POU6F2: variants seen among roughly 807,000 people sequenced by gnomAD.
POU6F2 encodes POU domain, class 6, transcription factor 2.
A neutral mutation model predicts 71.3 loss-of-function variants in POU6F2; 31 were observed. The ratio of observed to expected loss-of-function variants is 0.43; its 90% CI spans 0.33 to 0.59. POU6F2 has a LOEUF of 0.59. Ranked by LOEUF, POU6F2 falls within the 20% of genes least tolerant of loss-of-function variation. The probability of loss-of-function intolerance (pLI) is 0.04; values close to 1 mark genes in which losing one functional copy is unlikely to be tolerated. For missense variants in POU6F2, 783 were observed against 856.8 expected (o/e 0.91, Z 1.07); for synonymous variants, 347 against 355.7 (o/e 0.98, Z 0.27).
rs115893087 is a variant in POU6F2, at chr7:39,240,230, G to T, written c.598+32610G>T. 6.0e-3 allele frequency among the ~76,000 whole-genome samples: 905 copies of T among 152,054 alleles called. 3 individuals are homozygous for T. Among genetic ancestry groups the T allele is most frequent in the African/African-American group, 0.019 (772 of 41,472 alleles). On this transcript the variant is annotated intron_variant, in intron 4 of 9. Coordinates refer to ENST00000518318, the MANE Select transcript of POU6F2 (RefSeq NM_001370959.1). ...TGTGCAAGGAAATTACCCCAAATCG[G>T]GACAAGGAAAGGAAAAATTAAGGGA... is the stretch of plus-strand genomic sequence containing the variant.
chr7:38,992,043 T>C lies in POU6F2; in HGVS notation c.105+13985T>C, dbSNP rs187371979. On this transcript the variant is annotated intron_variant, in intron 1 of 9. Coordinates refer to ENST00000518318, the MANE Select transcript of POU6F2 (RefSeq NM_001370959.1). Reference sequence around the variant, plus strand: ...TGTTTTCTCTTCACACTCAGCATCTTACTCCTTCCCCTTATCTCCTACTTC... The same window carrying C: ...TGTTTTCTCTTCACACTCAGCATCTCACTCCTTCCCCTTATCTCCTACTTC... 2.0e-5 allele frequency among the ~76,000 whole-genome samples: 3 copies of C among 152,274 alleles called. No homozygotes were observed. The East Asian group carries it at 5.8e-4, about 29-fold the overall frequency.
At chr7:39,412,707 A>T (rs1219353457) in intron 6 of POU6F2, among the ~76,000 whole-genome samples, 3 of 150,598 alleles carry the variant, frequency 2.0e-5, no homozygotes, top group African/African-American at 7.3e-5. Flanking sequence ...TTGCAAAACA[A>T]TACAAAAGGC....
intron 2 of POU6F2, among the ~76,000 whole-genome samples, chr7:39,129,834 C>T (rs890477556): frequency 3.3e-5 from 5 of 151,968 alleles, no homozygotes; most frequent in Admixed American, 6.6e-5. Flanking sequence ...GAGGCCGAGG[C>T]GGGCAGACCA....
At chr7:39,111,133 C>T (rs35909585) in intron 2 of POU6F2, among the ~76,000 whole-genome samples, 4,535 of 152,244 alleles carry the variant, frequency 0.03, 94 homozygotes, top group Middle Eastern at 0.079. Flanking sequence ...ACAATTACCA[C>T]TACACAATTG....
At chr7:39,124,527 A>AAC (rs2128728261) in intron 2 of POU6F2, among the ~76,000 whole-genome samples, 1 of 152,364 alleles carries the variant, frequency 6.6e-6, no homozygotes, top group East Asian at 1.9e-4. Flanking sequence ...CTTAGGTGAC[A>AAC]AGAGTAGTTT....
At chr7:39,050,371 A>T (rs1014057130) in intron 1 of POU6F2, among the ~76,000 whole-genome samples, 2 of 152,092 alleles carry the variant, frequency 1.3e-5, no homozygotes, top group Non-Finnish European at 2.9e-5. Context: ...TAGTTCAGAC[A>T]GTTTTTAGTT....
chr7:39,114,971 T>C (rs1218109540), intron 2 of POU6F2, among the ~76,000 whole-genome samples: 2 of 152,182 alleles, frequency 1.3e-5, no homozygotes, highest in African/African-American at 4.8e-5. Flanking sequence ...TAAATCATAG[T>C]GGTTTAGGGA....
intron 4 of POU6F2, among the ~76,000 whole-genome samples, chr7:39,333,461 G>A (rs1232633478): frequency 3.9e-5 from 6 of 152,018 alleles, no homozygotes; most frequent in Admixed American, 1.3e-4. Context: ...GTCTCAGGCC[G>A]GGCGTGGTGG....
At chr7:39,098,969 C>G (rs1791515008) in intron 2 of POU6F2, among the ~76,000 whole-genome samples, 1 of 152,190 alleles carries the variant, frequency 6.6e-6, no homozygotes, top group Non-Finnish European at 1.5e-5. Context: ...CAAGGGTCCT[C>G]CTGATCAAAG....
At chr7:39,296,758 C>T (rs570035188) in intron 4 of POU6F2, among the ~76,000 whole-genome samples, 18 of 152,210 alleles carry the variant, frequency 1.2e-4, no homozygotes, top group Non-Finnish European at 2.1e-4. Context: ...ATTAGCTTAA[C>T]GTGTTTTCCC....
chr7:39,330,920 C>G (rs563794323), intron 4 of POU6F2, among the ~76,000 whole-genome samples: 19 of 152,340 alleles, frequency 1.2e-4, no homozygotes, highest in African/African-American at 4.1e-4. Flanking sequence ...ATTGACCAAG[C>G]TTTGCCTCTC....
intron 2 of POU6F2, among the ~76,000 whole-genome samples, chr7:39,127,202 T>G (rs545577072): frequency 6.6e-6 from 1 of 152,290 alleles, no homozygotes; most frequent in Admixed American, 6.5e-5. Flanking sequence ...ATATCACACT[T>G]GAATTTGAGA....
chr7:39,209,835 G>A (rs964903671), intron 4 of POU6F2, among the ~76,000 whole-genome samples: 6 of 152,104 alleles, frequency 3.9e-5, no homozygotes, highest in Non-Finnish European at 5.9e-5. Context: ...AGTGGGACTC[G>A]GGATGGTGAG....
intron 5 of POU6F2, among the ~76,000 whole-genome samples, chr7:39,373,120 G>A (rs571119429): frequency 1.1e-4 from 16 of 152,186 alleles, no homozygotes; most frequent in Admixed American, 3.9e-4. Flanking sequence ...AAGTGTCAGC[G>A]TCATAGATTT....
At chr7:39,078,452 C>A (rs1482825210) in intron 1 of POU6F2, among the ~76,000 whole-genome samples, 1 of 152,164 alleles carries the variant, frequency 6.6e-6, no homozygotes, top group African/African-American at 2.4e-5. Context: ...CATTTCTAAC[C>A]TCCATTAATG....
intron 5 of POU6F2, among the ~76,000 whole-genome samples, chr7:39,342,065 A>G (rs995689979): frequency 2.3e-4 from 35 of 152,230 alleles, no homozygotes; most frequent in African/African-American, 8.4e-4. Flanking sequence ...TATAAACTTA[A>G]TAAATATGTT....
At chr7:39,360,324 T>C (rs971401642) in intron 5 of POU6F2, among the ~76,000 whole-genome samples, 5 of 152,204 alleles carry the variant, frequency 3.3e-5, no homozygotes, top group Admixed American at 6.5e-5. Flanking sequence ...GCAAATACTT[T>C]CCAATGAATA....
At chr7:39,145,898 G>A (rs774103703) in intron 2 of POU6F2, among the ~76,000 whole-genome samples, 5 of 152,124 alleles carry the variant, frequency 3.3e-5, no homozygotes, top group Non-Finnish European at 5.9e-5. Context: ...CCTGCACAGA[G>A]ATCACACAAG....
At chr7:39,057,128 T>C (rs1033852440) in intron 1 of POU6F2, among the ~76,000 whole-genome samples, 2 of 152,134 alleles carry the variant, frequency 1.3e-5, no homozygotes, top group African/African-American at 4.8e-5. Flanking sequence ...TCTTTCCTTA[T>C]CACATTAAAC....
Sources: allele counts gnomAD v4.1 joint callset (sites outside exome capture counted in the v4.1 genomes callset), GRCh38; gene constraint gnomAD v4.1.1; transcripts MANE v1.5; gene names NCBI Gene and HGNC (gene_info 2026-07-23, HGNC 2026-07-21).